Variants in PCNX3 observed in about 807,000 individuals in gnomAD.
The protein encoded by PCNX3 is pecanex 3.
A neutral mutation model predicts 207.2 loss-of-function variants in PCNX3; 58 were observed. The ratio of observed to expected loss-of-function variants is 0.28; its 90% CI spans 0.23 to 0.35. The LOEUF (loss-of-function observed/expected upper bound fraction) is 0.35, where lower values mean the gene tolerates loss of function less well. Ranked by LOEUF, PCNX3 falls within the 10% of genes least tolerant of loss-of-function variation. PCNX3 has a pLI of 1.00. For missense variants in PCNX3, 2,410 were observed against 2,774.4 expected (o/e 0.87, Z 2.95); for synonymous variants, 1,337 against 1,183.5 (o/e 1.13, Z -2.66).
chr11:65,618,994 G>C lies in PCNX3; in HGVS notation c.1632G>C (p.Glu544Asp). ...GTGAGCCTGTTGTGCTGCCTGCTGA[G>C]GCGCGAAGGGGACCCGCTGCCAACC... is the stretch of plus-strand genomic sequence containing the variant. The part of the protein sequence containing the change: ...AASEPVVLPA[E>D]ARRGPAANQP... Residue 544 changes from glutamate to aspartate, a missense_variant, in exon 6 of 35, where the codon GAG becomes GAC. Around this residue, in one of 8 missense-constraint regions of PCNX3, gnomAD observed 1,104 missense variants for 970.3 expected, o/e 1.14. Coordinates refer to ENST00000355703, the MANE Select transcript of PCNX3 (RefSeq NM_032223.4). 6.3e-7 allele frequency: 1 copy of C among 1,598,806 alleles called. No homozygotes were observed. The highest frequency in any genetic ancestry group is 2.2e-5 in the East Asian group (1 of 44,796).
chr11:65,617,654 C>A lies in PCNX3; in HGVS notation c.525C>A (p.Ile175=). The A allele has an allele frequency of 1.9e-6, 3 of 1,597,010 alleles. No individual in the cohort carries two copies. The highest frequency in any genetic ancestry group is 2.6e-6 in the Non-Finnish European group (3 of 1,171,728). ...LVREQGSNNV[I]VTSADREMLK... is the part of the protein sequence containing the mutation. ...GGGAGCAGGGCAGCAACAATGTGAT[C>A]GTGACTTCTGCCGACCGAGAGATGC... is the stretch of plus-strand genomic sequence containing the variant. Residue 175 remains isoleucine, a synonymous_variant, in exon 5 of 35, where the codon ATC becomes ATA. Transcript: ENST00000355703.
rs763148424 is a variant in PCNX3 at position 65,625,757 on chromosome 11, T to C, written c.3228+13T>C. ...TATTGCCCTGAAGGTTTGTGTGGCA[T>C]GGGCCGCTGCTGCCTCTCGCTGTCT... On this transcript the variant is annotated intron_variant, in intron 19 of 34. Coordinates refer to ENST00000355703, the MANE Select transcript of PCNX3 (RefSeq NM_032223.4). The surrounding 1 kb of genome is among the most constrained non-coding windows in gnomAD (Gnocchi z 5.6). The C allele has an allele frequency of 6.2e-7, 1 of 1,606,228 alleles. No individual in the cohort carries two copies. The highest frequency in any genetic ancestry group is 8.5e-7 in the Non-Finnish European group (1 of 1,178,418).
intron 6 of PCNX3, 130 bp from the exon 7 acceptor site, chr11:65,619,407 G>A: frequency 6.9e-7 from 1 of 1,454,886 alleles, no homozygotes; most frequent in Non-Finnish European, 9.1e-7. Context: ...GTGTGACCTG[G>A]CTGGGCCTCA....
intron 21 of PCNX3, 60 bp from the exon 22 acceptor site, chr11:65,627,345 C>A (rs1855444424): frequency 6.5e-6 from 10 of 1,537,776 alleles, no homozygotes; most frequent in Non-Finnish European, 7.9e-6. Flanking sequence ...AGGGATGGGA[C>A]ACCTATACCC....
At chr11:65,619,161 A>C (rs1854930873) in intron 6 of PCNX3, 94 bp downstream of exon 6, 1 of 1,052,410 alleles carries the variant, frequency 9.5e-7, no homozygotes, top group African/African-American at 1.6e-5. Context: ...GGTCAGTGTC[A>C]GCTCAGCCTC....
chr11:65,616,157 C>T lies in PCNX3; in HGVS notation c.-155C>T, dbSNP rs935925581. The stretch of plus-strand genomic sequence containing the variant: ...GGCCGGCCCCGCCCCCTGCTCGCAC[C>T]CTCGCGCGGCCGAGCCCCCCTCCCC... On this transcript the variant is annotated 5_prime_UTR_variant, in exon 1 of 35. Transcript: ENST00000355703. 70 of 478,728 alleles carry T rather than the reference C, an allele frequency of 1.5e-4. No homozygotes were observed. The highest frequency in any genetic ancestry group is 2.2e-4 in the Non-Finnish European group (65 of 298,428). The allele number at this position is 478,728 out of a possible 1,614,324, so 29.7% of individuals were successfully genotyped here.
intron 20 of PCNX3, 157 bp from the exon 21 acceptor site, chr11:65,626,746 TG>T: frequency 9.6e-7 from 1 of 1,044,934 alleles, no homozygotes; most frequent in Non-Finnish European, 1.4e-6. Context: ...CTTGCCCTGC[TG>T]GGGCTCGCTG....
In PCNX3 at chr11:65,617,674, A is replaced by G; in HGVS notation, c.545A>G (p.Glu182Gly). 6.3e-7 allele frequency: 1 copy of G among 1,581,382 alleles called. No homozygotes were observed. The change falls in exon 5 of 35, where the codon GAG (glutamate) becomes GGG (glycine). Residue 182 changes from glutamate to glycine, a missense_variant. Around this residue, in one of 8 missense-constraint regions of PCNX3, gnomAD observed 1,104 missense variants for 970.3 expected, o/e 1.14. Coordinates refer to ENST00000355703, the MANE Select transcript of PCNX3 (RefSeq NM_032223.4). ...NNVIVTSADR[E>G]MLKLSSQEKL... ...GTGATCGTGACTTCTGCCGACCGAG[A>G]GATGCTGAAGCTCAGCTCGCAGGAG...
chr11:65,619,644 A>C lies in PCNX3; in HGVS notation c.1813A>C (p.Met605Leu). Residue 605 changes from methionine (M) to leucine (L), a missense_variant, in exon 7 of 35, where the codon ATG (methionine) becomes CTG (leucine). Transcript: ENST00000355703. ...GSNPTPPASV[M>L]GSPPSSLQEA... ...CAACCCCACCCCTCCAGCCTCTGTCATGGGCTCGCCGCCCAGGTGAGCACC... is the reference window on the plus strand; with the variant it reads ...CAACCCCACCCCTCCAGCCTCTGTCCTGGGCTCGCCGCCCAGGTGAGCACC... 1.2e-6 allele frequency: 2 copies of C among 1,600,272 alleles called. No individual in the cohort carries two copies. The highest frequency in any genetic ancestry group is 2.7e-5 in the African/African-American group (2 of 74,972).
chr11:65,633,209 C>T (rs1855684487), intron 27 of PCNX3, among the ~76,000 whole-genome samples: 1 of 152,248 alleles, frequency 6.6e-6, no homozygotes, highest in Non-Finnish European at 1.5e-5. Flanking sequence ...ACCTCACTGG[C>T]TGCCCTGCCG....
rs745518917 is a variant in PCNX3 at position 65,624,555 on chromosome 11, T to C, written c.2801T>C (p.Ile934Thr). The C allele has an allele frequency of 6.2e-7, 1 of 1,607,312 alleles. No homozygotes were observed. Among genetic ancestry groups the C allele is most frequent in the Non-Finnish European group, 8.5e-7 (1 of 1,176,876 alleles). ...TGCCTCATGTACCTGCTGGAGCAAA[T>C]AGATATGCACGGCTTCGGGGGCACA... is the stretch of plus-strand genomic sequence containing the variant. ...NTCLMYLLEQ[I>T]DMHGFGGTAA... The change falls in exon 15 of 35, where the codon ATA becomes ACA. Residue 934 changes from isoleucine to threonine, a missense_variant. By Grantham distance (89) the Ile-to-Thr change is moderately conservative (BLOSUM62 -1). Around this residue, in one of 8 missense-constraint regions of PCNX3, gnomAD observed 18 missense variants for 46.2 expected, o/e 0.39. Transcript: ENST00000355703.
rs1272140893 is a variant in PCNX3, at chr11:65,618,080, C to T, written c.718C>T (p.Leu240=). Residue 240 remains leucine, a synonymous_variant, in exon 6 of 35, where the codon CTG becomes TTG. Coordinates refer to ENST00000355703, the MANE Select transcript of PCNX3 (RefSeq NM_032223.4). ...SSMADTPMSP[L]LKGSLSQELS... is the part of the protein sequence containing the mutation. ...CATGGCTGACACTCCCATGAGCCCC[C>T]TGCTGAAGGGGAGCCTCAGCCAGGA... The T allele has an allele frequency of 5.0e-6, 8 of 1,608,544 alleles. No individual in the cohort carries two copies. The highest frequency in any genetic ancestry group is 2.7e-5 in the African/African-American group (2 of 74,944).
At position 65,616,387 on chromosome 11, in the gene PCNX3, C is replaced by T. The variant is rs1265434082; in HGVS notation, c.76C>T (p.His26Tyr). ...SLTGGWFFDP[H>Y]QSTFSNCFHL... Reference sequence around the variant, plus strand: ...CACCGGCGGTTGGTTCTTCGACCCGCACCAGAGCACCTTCTCCAACTGCTT... The same window carrying T: ...CACCGGCGGTTGGTTCTTCGACCCGTACCAGAGCACCTTCTCCAACTGCTT... Residue 26 changes from histidine (H) to tyrosine (Y), a missense_variant, in exon 1 of 35, where the codon CAC becomes TAC. Transcript: ENST00000355703. 1.2e-6 allele frequency: 2 copies of T among 1,610,220 alleles called. No individual in the cohort carries two copies. The highest frequency in any genetic ancestry group is 1.7e-6 in the Non-Finnish European group (2 of 1,179,136).
intron 12 of PCNX3, 117 bp downstream of exon 12, chr11:65,623,761 C>T (rs1855234116): frequency 6.6e-7 from 1 of 1,525,674 alleles, no homozygotes; most frequent in Non-Finnish European, 8.9e-7. Context: ...CTAAGGTTCC[C>T]TAGAGCTGGC....
At chr11:65,617,768 C>T in intron 5 of PCNX3, 62 bp downstream of exon 5, 1 of 1,533,190 alleles carries the variant, frequency 6.5e-7, no homozygotes. Context: ...TGTTGAATCC[C>T]CTCAACTTTG....
At chr11:65,622,134 G>A in intron 10 of PCNX3, 111 bp from the exon 11 acceptor site, 3 of 1,462,194 alleles carry the variant, frequency 2.1e-6, no homozygotes, top group Non-Finnish European at 2.7e-6. Flanking sequence ...CCAGACCGGT[G>A]TGCTGAAGGG....
Position 65,634,249 on chromosome 11 carries a change from C to T in PCNX3, c.4594C>T (p.Leu1532=). 1 of 1,613,142 alleles carries T rather than the reference C, an allele frequency of 6.2e-7. No homozygotes were observed. The highest frequency in any genetic ancestry group is 2.2e-5 in the East Asian group (1 of 44,876). ...TGCCGACTCGGATCCCACCTTCTCGCTGAGTGTGGATGAGGACTATGACCT... is the reference window on the plus strand; with the variant it reads ...TGCCGACTCGGATCCCACCTTCTCGTTGAGTGTGGATGAGGACTATGACCT... ...GYADSDPTFS[L]SVDEDYDLRL... is the part of the protein sequence containing the mutation. The change falls in exon 28 of 35, where the codon CTG becomes TTG. Residue 1532 remains leucine (L), a synonymous_variant. Transcript: ENST00000355703.
At chr11:65,628,775 G>GGGGGGGGGGGC in intron 23 of PCNX3, 44 bp from the exon 24 acceptor site, 42 of 1,500,296 alleles carry the variant, frequency 2.8e-5, no homozygotes, top group Middle Eastern at 1.7e-4. Context: ...GTGGTGGGGG[G>GGGGGGGGGGGC]CTGGGAGGTC....
At chr11:65,619,090 G>T in intron 6 of PCNX3, 23 bp downstream of exon 6, 1 of 1,560,496 alleles carries the variant, frequency 6.4e-7, no homozygotes, top group Non-Finnish European at 8.7e-7. Flanking sequence ...TCTAGAGGCA[G>T]GGGCTGGGGG....
Sources: allele counts gnomAD v4.1 joint callset (sites outside exome capture counted in the v4.1 genomes callset), GRCh38; gene constraint gnomAD v4.1.1; regional missense constraint gnomAD v4.1.1; non-coding constraint Gnocchi (gnomAD v3.1); transcripts MANE v1.5; gene names NCBI Gene and HGNC (gene_info 2026-07-23, HGNC 2026-07-21).